The following RIPOR3 variants were observed in gnomAD, a reference collection of about 807,000 sequenced individuals.
RIPOR3 encodes the protein family with sequence similarity 65 member C.
Under a neutral mutation model 114.3 loss-of-function variants are expected in RIPOR3, and 95 were observed. The observed-to-expected ratio is 0.83, with a 90% confidence interval of 0.70 to 0.99. The LOEUF (loss-of-function observed/expected upper bound fraction) is 0.99, where lower values mean the gene tolerates loss of function less well. Among genes scored for constraint, RIPOR3 ranks in the 50% least tolerant of loss-of-function variants. The probability of loss-of-function intolerance (pLI) is 0.00; values close to 1 mark genes in which losing one functional copy is unlikely to be tolerated. For synonymous variants in RIPOR3, 575 were observed against 543.8 expected (o/e 1.06, Z -0.80); for missense variants, 1,252 against 1,266.9 (o/e 0.99, Z 0.18).
rs940531726 is a variant in RIPOR3 at position 50,686,181 on chromosome 20, C to T, written c.3+4945G>A. On this transcript the variant is annotated intron_variant, in intron 1 of 21. Coordinates refer to ENST00000327979, the MANE Select transcript of RIPOR3 (RefSeq NM_001290268.2). Reference sequence around the variant, plus strand: ...ACGCCATTCTCCTGCCTCAGCCTCCCGAGTGGCTGGGATTACAGGCGCCCA... The same window carrying T: ...ACGCCATTCTCCTGCCTCAGCCTCCTGAGTGGCTGGGATTACAGGCGCCCA... Among the ~76,000 whole-genome samples, 35 of 151,880 alleles carry T rather than the reference C, an allele frequency of 2.3e-4. No individual in the cohort carries two copies. In the South Asian group the frequency reaches 3.1e-3, roughly 14 times the overall value.
chr20:50,668,810 T>C (rs1244464233), intron 1 of RIPOR3, among the ~76,000 whole-genome samples: 1 of 149,818 alleles, frequency 6.7e-6, no homozygotes, highest in Non-Finnish European at 1.5e-5. Context: ...TGAGCCAAGA[T>C]CAAGCCACTG....
intron 2 of RIPOR3, among the ~76,000 whole-genome samples, chr20:50,627,378 G>T (rs6020646): frequency 0.3 from 44,522 of 148,154 alleles, 11,045 homozygotes; most frequent in African/African-American, 0.69. Flanking sequence ...GGCATGGTGA[G>T]GCACACCTGT....
At chr20:50,607,716 G>A (rs2083774027) in intron 11 of RIPOR3, among the ~76,000 whole-genome samples, 1 of 152,144 alleles carries the variant, frequency 6.6e-6, no homozygotes, top group Admixed American at 6.6e-5. Flanking sequence ...GCTCACGAGG[G>A]AGAGGGCAGC....
chr20:50,618,514 C>T (rs2084270647), intron 3 of RIPOR3, among the ~76,000 whole-genome samples: 1 of 152,132 alleles, frequency 6.6e-6, no homozygotes, highest in Non-Finnish European at 1.5e-5. Context: ...ATGTTCTTTT[C>T]CCCTTCAGGA....
chr20:50,601,310 T>C (rs112208814), intron 13 of RIPOR3, among the ~76,000 whole-genome samples: 4 of 152,176 alleles, frequency 2.6e-5, no homozygotes, highest in African/African-American at 9.7e-5. Flanking sequence ...GGTGTGCACC[T>C]GTAATCCCAG....
At chr20:50,663,721 C>G (rs780924743) in intron 1 of RIPOR3, among the ~76,000 whole-genome samples, 1 of 152,114 alleles carries the variant, frequency 6.6e-6, no homozygotes, top group Non-Finnish European at 1.5e-5. Context: ...ATGGCCACAT[C>G]AGTATTTACT....
At chr20:50,620,917 C>A in intron 2 of RIPOR3, 1 of 576,514 alleles carries the variant, frequency 1.7e-6, no homozygotes, top group Non-Finnish European at 3.4e-6. Flanking sequence ...TTGCCCTGTA[C>A]AAGCAGCATG....
chr20:50,672,121 G>A (rs1370841631), intron 1 of RIPOR3, among the ~76,000 whole-genome samples: 1 of 152,106 alleles, frequency 6.6e-6, no homozygotes, highest in African/African-American at 2.4e-5. Context: ...ATCAGGAAGT[G>A]AAGCCCAATC....
chr20:50,687,902 CAA>C (rs11287738), intron 1 of RIPOR3, among the ~76,000 whole-genome samples: 25 of 128,980 alleles, frequency 1.9e-4, no homozygotes, highest in African/African-American at 2.6e-4. Context: ...GACTCCATCT[CAA>C]AAAAAAAAAA....
Position 50,691,307 on chromosome 20 carries a change from T to C in RIPOR3, c.-179A>G. 1 of 753,182 alleles carries C rather than the reference T, an allele frequency of 1.3e-6. No individual in the cohort carries two copies. Among genetic ancestry groups the C allele is most frequent in the Non-Finnish European group, 1.9e-6 (1 of 523,134 alleles). The allele number at this position is 753,182 out of a possible 1,614,324, so 46.7% of individuals were successfully genotyped here. ...CCGCTGGTCCCGCTCTCTGGGAAGATCGCCTTGAGGACCTGCTGCGCCCCG... is the reference window on the plus strand; with the variant it reads ...CCGCTGGTCCCGCTCTCTGGGAAGACCGCCTTGAGGACCTGCTGCGCCCCG... On this transcript the variant is annotated 5_prime_UTR_variant, in exon 1 of 22. Transcript: ENST00000327979.
At chr20:50,594,803 G>A (rs1040321828) in intron 16 of RIPOR3, 89 bp from the exon 17 acceptor site, 4 of 1,446,012 alleles carry the variant, frequency 2.8e-6, no homozygotes, top group Middle Eastern at 2.2e-4. Context: ...AGGACCTGAG[G>A]GGGTAGGGAG....
At chr20:50,653,518 C>T (rs938966474) in intron 1 of RIPOR3, among the ~76,000 whole-genome samples, 1 of 151,684 alleles carries the variant, frequency 6.6e-6, no homozygotes, top group Non-Finnish European at 1.5e-5. Flanking sequence ...TCACTGCAAC[C>T]TCTGCCTCCT....
At chr20:50,682,618 G>A (rs1219383442) in intron 1 of RIPOR3, among the ~76,000 whole-genome samples, 4 of 151,974 alleles carry the variant, frequency 2.6e-5, no homozygotes, top group African/African-American at 9.7e-5. Flanking sequence ...AAATATGTGT[G>A]TGTGTGTGTG....
At position 50,587,328 on chromosome 20, in the gene RIPOR3, T is replaced by C. The variant is rs1286551181; in HGVS notation, c.2757A>G (p.Glu919=). 2 of 1,613,856 alleles carry C rather than the reference T, an allele frequency of 1.2e-6. No individual in the cohort carries two copies. The highest frequency in any genetic ancestry group is 1.7e-6 in the Non-Finnish European group (2 of 1,180,006). Residue 919 remains glutamate (E), a synonymous_variant, in exon 22 of 22, where the codon GAA becomes GAG. Coordinates refer to ENST00000327979, the MANE Select transcript of RIPOR3 (RefSeq NM_001290268.2). ...TCTTCTCAAAAGCTAACCGTCCTTT[T>C]TCACCTGAAATAGCAAAGGGACCTG... ...AARETTLSFG[E]KGRLAFEKMD... is the part of the protein sequence containing the mutation.
intron 1 of RIPOR3, among the ~76,000 whole-genome samples, chr20:50,661,664 C>G (rs537240920): frequency 1.9e-4 from 29 of 152,280 alleles, no homozygotes; most frequent in South Asian, 8.3e-4. Flanking sequence ...TTCTCAGCCT[C>G]GGAACTGCTG....
chr20:50,656,836 TG>T (rs1297643397), intron 1 of RIPOR3, among the ~76,000 whole-genome samples: 2 of 152,172 alleles, frequency 1.3e-5, no homozygotes, highest in African/African-American at 2.4e-5. Context: ...AATAGTCCAT[TG>T]GGGGCCCATC....
At chr20:50,603,627 G>A (rs988848103) in intron 12 of RIPOR3, among the ~76,000 whole-genome samples, 9 of 152,182 alleles carry the variant, frequency 5.9e-5, no homozygotes, top group Non-Finnish European at 1.2e-4. Context: ...AGTATTCTGA[G>A]GTTGCCGGCC....
At chr20:50,621,126 A>G in intron 2 of RIPOR3, 1 of 371,262 alleles carries the variant, frequency 2.7e-6, no homozygotes, top group Non-Finnish European at 5.1e-6. Context: ...TTGACAAAAA[A>G]AAAAAAAAGA....
chr20:50,619,903 A>C, intron 3 of RIPOR3, 83 bp downstream of exon 3: 1 of 1,521,604 alleles, frequency 6.6e-7, no homozygotes. Flanking sequence ...GACAAGACCC[A>C]TCCACGCTTC....
Sources: allele counts gnomAD v4.1 joint callset (sites outside exome capture counted in the v4.1 genomes callset), GRCh38; gene constraint gnomAD v4.1.1; transcripts MANE v1.5; gene names NCBI Gene and HGNC (gene_info 2026-07-23, HGNC 2026-07-21).